The following ALS2 variants were observed in gnomAD, a reference collection of about 807,000 sequenced individuals.
ALS2 encodes the protein alsin Rho guanine nucleotide exchange factor ALS2.
A neutral mutation model predicts 203.4 loss-of-function variants in ALS2; 117 were observed. The observed-to-expected ratio is 0.58, with a 90% CI of 0.50 to 0.67. The LOEUF is 0.67. Among genes scored for constraint, ALS2 ranks in the 30% least tolerant of loss-of-function variants. The probability of loss-of-function intolerance (pLI) is 0.00; values close to 1 mark genes in which losing one functional copy is unlikely to be tolerated. For synonymous variants in ALS2, 718 were observed against 725.9 expected (o/e 0.99, Z 0.17); for missense variants, 1,715 against 1,989.4 (o/e 0.86, Z 2.62).
intron 28 of ALS2, among the ~76,000 whole-genome samples, chr2:201,707,317 T>TCCTTTGCTAAGCAG (rs1349560233): frequency 6.6e-6 from 1 of 152,182 alleles, no homozygotes; most frequent in African/African-American, 2.4e-5. Context: ...TGATGTTACT[T>TCCTTTGCTAAGCAG]CCTTTGCTAA....
At chr2:201,723,542 G>A (rs1472702581) in intron 21 of ALS2, 101 bp from the exon 22 acceptor site, 9 of 1,003,260 alleles carry the variant, frequency 9.0e-6, no homozygotes, top group Non-Finnish European at 1.4e-5. Flanking sequence ...ACCCTAGGTT[G>A]GTATTGCTTC....
chr2:201,737,860 T>C (rs1043730230), intron 12 of ALS2, among the ~76,000 whole-genome samples: 2 of 151,672 alleles, frequency 1.3e-5, no homozygotes, highest in Non-Finnish European at 2.9e-5. Context: ...AGGCAGATGT[T>C]GCAGTGAGCC....
In ALS2 at chr2:201,724,323, C is replaced by T; in HGVS notation, c.3484G>A (p.Gly1162Arg). The change falls in exon 21 of 34, where the codon GGA becomes AGA. Residue 1162 changes from glycine (G) to arginine (R), a missense_variant. Physicochemically the swap from Gly to Arg is moderately radical, Grantham distance 125. Coordinates refer to ENST00000264276, the MANE Select transcript of ALS2 (RefSeq NM_020919.4). ...IGQWVMDKKAGYGVFDDITRG... is the reference protein window; with the variant it reads ...IGQWVMDKKARYGVFDDITRG... ...GTGATATCATCAAAGACACCATATC[C>T]TGCTTTCTTATCCATTACCCACTGG... 6.2e-7 allele frequency: 1 copy of T among 1,613,980 alleles called. No individual in the cohort carries two copies. Among genetic ancestry groups the T allele is most frequent in the Non-Finnish European group, 8.5e-7 (1 of 1,179,914 alleles).
intron 11 of ALS2, 46 bp from the exon 12 acceptor site, chr2:201,738,781 T>C: frequency 6.7e-7 from 1 of 1,492,004 alleles, no homozygotes; most frequent in Non-Finnish European, 9.3e-7. Flanking sequence ...AAATGTAAAT[T>C]AGTTCTTCAG....
At chr2:201,750,063 G>T (rs1692935726) in intron 7 of ALS2, among the ~76,000 whole-genome samples, 1 of 152,004 alleles carries the variant, frequency 6.6e-6, no homozygotes. Flanking sequence ...CTACTTGGGA[G>T]GCTGAGGCAG....
At chr2:201,743,457 A>G (rs1692422740) in intron 10 of ALS2, among the ~76,000 whole-genome samples, 1 of 152,098 alleles carries the variant, frequency 6.6e-6, no homozygotes, top group Non-Finnish European at 1.5e-5. Context: ...AAAAAGAATC[A>G]GATTTAATCA....
chr2:201,708,403 T>C (rs1472352892), intron 27 of ALS2, among the ~76,000 whole-genome samples: 1 of 152,212 alleles, frequency 6.6e-6, no homozygotes, highest in Admixed American at 6.5e-5. Context: ...TAAAGTTTTA[T>C]TTTATTTTTA....
At chr2:201,766,519 A>T (rs376822195) in intron 3 of ALS2, among the ~76,000 whole-genome samples, 1 of 151,544 alleles carries the variant, frequency 6.6e-6, no homozygotes, top group Non-Finnish European at 1.5e-5. Flanking sequence ...CATGGTGGTG[A>T]GCACCTGTAA....
Position 201,706,936 on chromosome 2 carries a change from T to C in ALS2, c.4490A>G (p.Asn1497Ser). 1 of 1,614,088 alleles carries C rather than the reference T, an allele frequency of 6.2e-7. No individual in the cohort carries two copies. Among genetic ancestry groups the C allele is most frequent in the South Asian group, 1.1e-5 (1 of 91,080 alleles). The change falls in exon 29 of 34, where the codon AAT (asparagine) becomes AGT (serine). Residue 1497 changes from asparagine to serine, a missense_variant. Transcript: ENST00000264276. Reference sequence around the variant, plus strand: ...CCAGTAAATGTCTTCCTCGCGATCATTATCCAAAGCATAAAGCATAAACAG... The same window carrying C: ...CCAGTAAATGTCTTCCTCGCGATCACTATCCAAAGCATAAAGCATAAACAG... ...PPLFMLYALD[N>S]DREEDIYWEC...
Position 201,724,307 on chromosome 2 carries a change from T to A in ALS2, c.3500A>T (p.Asp1167Val). 6.2e-7 allele frequency: 1 copy of A among 1,613,794 alleles called. No homozygotes were observed. Among genetic ancestry groups the A allele is most frequent in the East Asian group, 2.2e-5 (1 of 44,854 alleles). ...MDKKAGYGVF[D>V]DITRGEKYMG... is the part of the protein sequence containing the mutation. ...GAGAATACTGTACCTAGTGATATCA[T>A]CAAAGACACCATATCCTGCTTTCTT... The change falls in exon 21 of 34, where the codon GAT (aspartate) becomes GTT (valine). Residue 1167 changes from aspartate (D) to valine (V), a missense_variant. Transcript: ENST00000264276.
At chr2:201,739,434 G>C (rs912755415) in intron 11 of ALS2, among the ~76,000 whole-genome samples, 1 of 151,802 alleles carries the variant, frequency 6.6e-6, no homozygotes, top group Admixed American at 6.6e-5. Flanking sequence ...TTCACTTCAG[G>C]TTTCCCAATT....
At chr2:201,759,582 C>T (rs1693632256) in intron 4 of ALS2, 4 of 982,392 alleles carry the variant, frequency 4.1e-6, no homozygotes, top group Non-Finnish European at 4.8e-6. Flanking sequence ...GAATTTTCTA[C>T]ATGCATTCTT....
chr2:201,710,645 A>T (rs1440582647), intron 26 of ALS2, among the ~76,000 whole-genome samples: 1 of 152,126 alleles, frequency 6.6e-6, no homozygotes, highest in Non-Finnish European at 1.5e-5. Flanking sequence ...CTGGTCTTAC[A>T]AGTTTTCGAA....
chr2:201,780,715 G>A (rs1005155845), intron 1 of ALS2, among the ~76,000 whole-genome samples, 162 bp downstream of exon 1: 2 of 152,196 alleles, frequency 1.3e-5, no homozygotes, highest in Non-Finnish European at 2.9e-5. Flanking sequence ...ACCCAGAGCT[G>A]GGAAAATGCG....
intron 23 of ALS2, among the ~76,000 whole-genome samples, chr2:201,718,552 C>T (rs536358098): frequency 6.6e-5 from 10 of 152,162 alleles, no homozygotes; most frequent in Non-Finnish European, 1.3e-4. Context: ...TGAGCTACCA[C>T]GCCCAGCCCT....
At chr2:201,755,949 A>T (rs2106076981) in intron 5 of ALS2, among the ~76,000 whole-genome samples, 1 of 152,274 alleles carries the variant, frequency 6.6e-6, no homozygotes, top group South Asian at 2.1e-4. Context: ...TAATATCAAC[A>T]TCTTTTCTGG....
intron 3 of ALS2, among the ~76,000 whole-genome samples, chr2:201,764,631 CTCAA>C (rs1443390094): frequency 4.4e-4 from 56 of 127,210 alleles, no homozygotes; most frequent in Non-Finnish European, 7.8e-4. Context: ...GAGACTCCGT[CTCAA>C]AATAAATAAA....
At chr2:201,733,521 T>C in intron 12 of ALS2, 83 bp from the exon 13 acceptor site, 1 of 1,251,488 alleles carries the variant, frequency 8.0e-7, no homozygotes, top group Admixed American at 1.9e-5. Context: ...CACTAGAAAG[T>C]ACCTCTTTCA....
At chr2:201,756,525 T>C (rs200688969) in intron 5 of ALS2, among the ~76,000 whole-genome samples, 385 of 10,932 alleles carry the variant, frequency 0.035, 14 homozygotes, top group East Asian at 0.35. Flanking sequence ...GTTGGTCAAT[T>C]ATAGCCCATG....
Sources: allele counts gnomAD v4.1 joint callset (sites outside exome capture counted in the v4.1 genomes callset), GRCh38; gene constraint gnomAD v4.1.1; transcripts MANE v1.5; gene names NCBI Gene and HGNC (gene_info 2026-07-23, HGNC 2026-07-21).